KCNMA1: variants seen among roughly 807,000 people sequenced by gnomAD.
KCNMA1 encodes the protein potassium calcium-activated channel subfamily M alpha 1.
A neutral mutation model predicts 140.0 loss-of-function variants in KCNMA1; 29 were observed. That is an observed-to-expected ratio of 0.21 (90% CI 0.15 to 0.28). KCNMA1 has a LOEUF of 0.28. Ranked by LOEUF, KCNMA1 falls within the 10% of genes least tolerant of loss-of-function variation. The pLI, the probability that KCNMA1 is intolerant of heterozygous loss-of-function variation, is 1.00. For synonymous variants in KCNMA1, 612 were observed against 611.9 expected, an observed-to-expected ratio of 1.00 and a Z score of 0.00; for missense variants, 880 against 1,602.2, an observed-to-expected ratio of 0.55 and a Z score of 7.70.
At chr10:77,053,516 C>T (rs1198952916) in intron 14 of KCNMA1, among the ~76,000 whole-genome samples, 1 of 152,026 alleles carries the variant, frequency 6.6e-6, no homozygotes, top group African/African-American at 2.4e-5. Flanking sequence ...ATGCTGCTGC[C>T]CTAAAAAATG....
intron 3 of KCNMA1, among the ~76,000 whole-genome samples, chr10:77,206,317 C>T (rs1224342336): frequency 6.6e-6 from 1 of 152,106 alleles, no homozygotes. Context: ...AAAAATGTGT[C>T]AACCTGACGT....
chr10:77,174,909 C>T (rs1387667731), intron 5 of KCNMA1, among the ~76,000 whole-genome samples: 1 of 152,208 alleles, frequency 6.6e-6, no homozygotes, highest in Non-Finnish European at 1.5e-5. Flanking sequence ...GCCTAGGTCA[C>T]ACCCTCCACC....
Position 76,884,933 on chromosome 10 carries a change from T to C in KCNMA1, c.*2333A>G. The C allele has an allele frequency of 1.3e-6, 2 of 1,515,944 alleles. No homozygotes were observed. The highest frequency in any genetic ancestry group is 1.8e-6 in the Non-Finnish European group (2 of 1,133,396). The allele number at this position is 1,515,944 out of a possible 1,614,324, so 93.9% of individuals were successfully genotyped here. ...ACAAAAGTTTTCACAAGGACAACGTTATAGAAGAAAACCCCCAGCAGTGGC... is the reference window on the plus strand; with the variant it reads ...ACAAAAGTTTTCACAAGGACAACGTCATAGAAGAAAACCCCCAGCAGTGGC... On this transcript the variant is annotated 3_prime_UTR_variant, in exon 28 of 28. Transcript: ENST00000286628.
intron 25 of KCNMA1, 81 bp from the exon 26 acceptor site, chr10:76,891,800 T>C: frequency 8.4e-7 from 1 of 1,189,880 alleles, no homozygotes; most frequent in South Asian, 1.2e-5. Flanking sequence ...AAATTACAAC[T>C]TTTCTTGGTA....
At chr10:77,068,643 A>G (rs909201525) in intron 14 of KCNMA1, among the ~76,000 whole-genome samples, 19 of 151,670 alleles carry the variant, frequency 1.3e-4, no homozygotes, top group Non-Finnish European at 2.5e-4. Flanking sequence ...TTCATTCTCA[A>G]AACTGATTTA....
At chr10:76,960,719 G>C (rs982620070) in intron 20 of KCNMA1, among the ~76,000 whole-genome samples, 1 of 143,738 alleles carries the variant, frequency 7.0e-6, no homozygotes, top group Non-Finnish European at 1.5e-5. Context: ...TAATGCCTAT[G>C]GGATTTTCAG....
At chr10:77,271,608 G>C (rs2065168336) in intron 2 of KCNMA1, among the ~76,000 whole-genome samples, 1 of 152,216 alleles carries the variant, frequency 6.6e-6, no homozygotes. Flanking sequence ...TCAAAACAGT[G>C]CCTGGCACAT....
In KCNMA1 at chr10:77,572,569, CATATATATATATATATATATATAT is replaced by C. The variant is rs56706119; in HGVS notation, c.378+64672_378+64695del. 3.6e-3 allele frequency among the ~76,000 whole-genome samples: 136 copies of C among 37,564 alleles called. 3 individuals carry two copies. Among genetic ancestry groups the C allele is most frequent in the African/African-American group, 0.013 (125 of 9,278 alleles). 24.6% of individuals were successfully genotyped at this position (37,564 alleles called of 152,430 possible). A position where few individuals can be genotyped will look rare whatever the true frequency, so the allele number is the denominator to read the frequency against. On this transcript the variant is annotated intron_variant, in intron 1 of 27. Coordinates refer to ENST00000286628, the MANE Select transcript of KCNMA1 (RefSeq NM_001161352.2). ...TGTCGCTCCAAAAAAAAAAAAAATCCATATATATATATATATATATATATATATATATATAAATTAGCTGGGCAT... is the reference window on the plus strand; with the variant it reads ...TGTCGCTCCAAAAAAAAAAAAAATCCATATATATATAAATTAGCTGGGCAT...
chr10:77,469,551 C>A (rs551475129), intron 1 of KCNMA1, among the ~76,000 whole-genome samples: 73 of 152,268 alleles, frequency 4.8e-4, no homozygotes, highest in Middle Eastern at 3.4e-3. Context: ...TGTGTGAACT[C>A]ACTGGCAGCT....
chr10:77,590,077 C>T (rs1445360938), intron 1 of KCNMA1, among the ~76,000 whole-genome samples: 1 of 152,158 alleles, frequency 6.6e-6, no homozygotes, highest in Non-Finnish European at 1.5e-5. Flanking sequence ...TTCACAAACC[C>T]TGAGCTAGAC....
chr10:76,888,087 C>A (rs1043204911), intron 27 of KCNMA1: 3 of 165,678 alleles, frequency 1.8e-5, no homozygotes, highest in Non-Finnish European at 4.0e-5. Flanking sequence ...TTTCTTTGGT[C>A]AACAGCAGAT....
chr10:77,264,963 GC>G (rs1172539404), intron 2 of KCNMA1, among the ~76,000 whole-genome samples: 1 of 152,104 alleles, frequency 6.6e-6, no homozygotes, highest in African/African-American at 2.4e-5. Flanking sequence ...ACTGAAGAAT[GC>G]CCTTTTTTTC....
rs756219295 is a variant in KCNMA1 at position 77,110,212 on chromosome 10, A to G, written c.1092T>C (p.Leu364=). The change falls in exon 8 of 28, where the codon CTT becomes CTC. Residue 364 remains leucine (L), a synonymous_variant. Transcript: ENST00000286628. ...GYGDVYAKTT[L]GRLFMVFFIL... ...TGAAGAAGACCATGAAGAGGCGCCC[A>G]AGTGTGGTTTTTGCATAAACATCCC... 1.2e-6 allele frequency: 2 copies of G among 1,614,122 alleles called. No individual in the cohort carries two copies. Among genetic ancestry groups the G allele is most frequent in the South Asian group, 2.2e-5 (2 of 91,070 alleles).
chr10:76,914,635 T>C, intron 24 of KCNMA1: 1 of 370,966 alleles, frequency 2.7e-6, no homozygotes, highest in East Asian at 6.0e-5. Context: ...ACTAAGCCTT[T>C]CCTCCTTTCC....
chr10:77,297,170 T>A lies in KCNMA1; in HGVS notation c.541-45914A>T, dbSNP rs139681137. On this transcript the variant is annotated intron_variant, in intron 2 of 27. Transcript: ENST00000286628. ...GAGATTAAATTTATAATCATAACCT[T>A]CCTCTGGCTTCCAGAGAACTACAAA... is the stretch of plus-strand genomic sequence containing the variant. 2.4e-3 allele frequency among the ~76,000 whole-genome samples: 365 copies of A among 152,176 alleles called. 3 individuals carry two copies. Among genetic ancestry groups the A allele is most frequent in the African/African-American group, 7.6e-3 (316 of 41,484 alleles).
chr10:77,167,770 C>T (rs547730515), intron 5 of KCNMA1, among the ~76,000 whole-genome samples: 2 of 151,950 alleles, frequency 1.3e-5, no homozygotes, highest in East Asian at 3.9e-4. Context: ...CTCACTGCAG[C>T]CTCGACTTCC....
intron 25 of KCNMA1, among the ~76,000 whole-genome samples, chr10:76,895,960 C>T (rs566717157): frequency 4.1e-4 from 62 of 152,088 alleles, no homozygotes; most frequent in African/African-American, 1.4e-3. Flanking sequence ...AAGGTCAGGG[C>T]GAGATCACAA....
intron 5 of KCNMA1, among the ~76,000 whole-genome samples, chr10:77,128,389 G>A (rs1402860988): frequency 7.5e-5 from 7 of 93,894 alleles, no homozygotes; most frequent in African/African-American, 3.1e-4. Context: ...CCATCATATA[G>A]ATAATTTTTT....
At chr10:77,250,966 T>C (rs1054121144) in intron 3 of KCNMA1, 10 of 550,908 alleles carry the variant, frequency 1.8e-5, no homozygotes, top group Non-Finnish European at 2.6e-5. Flanking sequence ...GCAAGAAGAC[T>C]TGACCTCATA....
Sources: allele counts gnomAD v4.1 joint callset (sites outside exome capture counted in the v4.1 genomes callset), GRCh38; gene constraint gnomAD v4.1.1; transcripts MANE v1.5; gene names NCBI Gene and HGNC (gene_info 2026-07-23, HGNC 2026-07-21).